The following NPAS3 variants were observed in gnomAD, a reference collection of about 807,000 sequenced individuals.
NPAS3 encodes the protein neuronal PAS domain protein 3.
NPAS3 carries 14 observed loss-of-function variants against 73.1 expected under a neutral mutation model. The ratio of observed to expected loss-of-function variants is 0.19; its 90% CI spans 0.13 to 0.30. The LOEUF (loss-of-function observed/expected upper bound fraction) is 0.30, where lower values mean the gene tolerates loss of function less well. Ranked by LOEUF, NPAS3 falls within the 10% of genes least tolerant of loss-of-function variation. The pLI, the probability that NPAS3 is intolerant of heterozygous loss-of-function variation, is 1.00. For missense variants in NPAS3, 1,096 were observed against 1,250.0 expected (o/e 0.88, Z 1.86); for synonymous variants, 620 against 541.5 (o/e 1.14, Z -2.01).
intron 2 of NPAS3, among the ~76,000 whole-genome samples, chr14:33,087,222 T>C (rs35559598): frequency 2.6e-5 from 3 of 114,602 alleles, no homozygotes; most frequent in Non-Finnish European, 5.6e-5. Context: ...ATTATTATTG[T>C]ATAATATATA....
chr14:33,308,527 T>TATATATATATATACACACACAC, intron 3 of NPAS3, among the ~76,000 whole-genome samples: 40 of 103,706 alleles, frequency 3.9e-4, no homozygotes, highest in South Asian at 1.3e-3. Context: ...TATATATATA[T>TATATATATATATACACACACAC]ACATACACAC....
At chr14:33,729,302 C>A (rs948564471) in intron 6 of NPAS3, among the ~76,000 whole-genome samples, 1 of 152,098 alleles carries the variant, frequency 6.6e-6, no homozygotes, top group Non-Finnish European at 1.5e-5. Flanking sequence ...TAGTTTTATC[C>A]ATGAACATGA....
At chr14:33,078,686 T>C (rs1047993779) in intron 2 of NPAS3, among the ~76,000 whole-genome samples, 3 of 152,178 alleles carry the variant, frequency 2.0e-5, no homozygotes, top group African/African-American at 7.2e-5. Context: ...AGTAACACAA[T>C]TGATGTAATA....
At chr14:33,291,463 G>A (rs557356170) in intron 3 of NPAS3, among the ~76,000 whole-genome samples, 18 of 152,276 alleles carry the variant, frequency 1.2e-4, no homozygotes, top group African/African-American at 2.9e-4. Flanking sequence ...GAAAGTAAAT[G>A]TTGATTTTAT....
chr14:33,342,053 C>T (rs1053270007), intron 3 of NPAS3, among the ~76,000 whole-genome samples: 2 of 152,150 alleles, frequency 1.3e-5, no homozygotes, highest in African/African-American at 4.8e-5. Flanking sequence ...AATCCCCAAC[C>T]TTTTTCTCAC....
At chr14:33,317,081 T>C (rs75014515) in intron 3 of NPAS3, among the ~76,000 whole-genome samples, 5,436 of 152,110 alleles carry the variant, frequency 0.036, 114 homozygotes, top group Non-Finnish European at 0.054. Flanking sequence ...TGCTGAAGGA[T>C]TTAAGGAAGC....
exon 4 of NPAS3, chr14:33,367,218 G>A (rs1156754824): frequency 1.2e-6 from 1 of 868,136 alleles, no homozygotes. Context: ...AAGCCCCAGT[G>A]CACTAGCCAT....
intron 3 of NPAS3, among the ~76,000 whole-genome samples, chr14:33,342,834 T>C (rs534253472): frequency 6.6e-6 from 1 of 152,322 alleles, no homozygotes; most frequent in African/African-American, 2.4e-5. Context: ...GAGAATGATA[T>C]GATTTTTACT....
intron 7 of NPAS3, among the ~76,000 whole-genome samples, chr14:33,770,741 A>G (rs940714119): frequency 2.6e-5 from 4 of 152,214 alleles, no homozygotes; most frequent in African/African-American, 9.6e-5. Flanking sequence ...CTCTACTAAA[A>G]ATACAAAAAT....
intron 2 of NPAS3, among the ~76,000 whole-genome samples, chr14:33,173,960 G>T (rs1260668367): frequency 6.6e-6 from 1 of 152,100 alleles, no homozygotes; most frequent in Non-Finnish European, 1.5e-5. Context: ...AGAATCCACT[G>T]GTAACCAGAA....
chr14:33,346,017 G>A (rs964352502), intron 3 of NPAS3, among the ~76,000 whole-genome samples: 1 of 151,924 alleles, frequency 6.6e-6, no homozygotes, highest in South Asian at 2.1e-4. Flanking sequence ...AGGATCACAA[G>A]GTCAGGAGTT....
At chr14:33,271,655 A>G (rs192476279) in intron 3 of NPAS3, among the ~76,000 whole-genome samples, 56 of 152,176 alleles carry the variant, frequency 3.7e-4, no homozygotes, top group African/African-American at 1.2e-3. Context: ...AAAATACCTG[A>G]TTTTAAAAAA....
chr14:33,312,000 G>T (rs1156505894), intron 3 of NPAS3, among the ~76,000 whole-genome samples: 2 of 152,124 alleles, frequency 1.3e-5, no homozygotes, highest in African/African-American at 4.8e-5. Flanking sequence ...ATGTTCCAAA[G>T]ACTTCATTTT....
At chr14:33,438,722 C>T (rs1415517965) in intron 4 of NPAS3, among the ~76,000 whole-genome samples, 1 of 152,122 alleles carries the variant, frequency 6.6e-6, no homozygotes, top group African/African-American at 2.4e-5. Context: ...GTAATAAATA[C>T]ATGGTATACT....
At chr14:33,044,902 T>G (rs2040454234) in intron 1 of NPAS3, among the ~76,000 whole-genome samples, 1 of 152,130 alleles carries the variant, frequency 6.6e-6, no homozygotes, top group Non-Finnish European at 1.5e-5. Flanking sequence ...CAGCCTCAGG[T>G]GAGTGGCCCA....
At chr14:33,293,390 C>A (rs980708038) in intron 3 of NPAS3, among the ~76,000 whole-genome samples, 26 of 152,134 alleles carry the variant, frequency 1.7e-4, no homozygotes, top group Non-Finnish European at 2.6e-4. Flanking sequence ...ATTTATTGAG[C>A]ATCTTTTTAG....
intron 2 of NPAS3, among the ~76,000 whole-genome samples, chr14:33,153,591 A>G (rs776186355): frequency 6.6e-6 from 1 of 152,074 alleles, no homozygotes; most frequent in African/African-American, 2.4e-5. Flanking sequence ...CTCCTGTTTA[A>G]TGATCTCCAG....
At chr14:33,782,111 C>A (rs1036939266) in intron 9 of NPAS3, among the ~76,000 whole-genome samples, 3 of 152,136 alleles carry the variant, frequency 2.0e-5, no homozygotes, top group African/African-American at 7.2e-5. Flanking sequence ...ACACTGTGAC[C>A]AAAGACGTCT....
At chr14:33,353,678 G>A (rs957326970) in intron 3 of NPAS3, among the ~76,000 whole-genome samples, 35 of 152,184 alleles carry the variant, frequency 2.3e-4, no homozygotes, top group African/African-American at 7.7e-4. Flanking sequence ...CATGAACCTG[G>A]TAGGAAAGTC....
Sources: gnomAD v4.1 joint callset for allele counts (sites outside exome capture counted in the v4.1 genomes callset) on GRCh38, gnomAD v4.1.1 for gene constraint, MANE v1.5 for transcripts, NCBI Gene and HGNC (gene_info 2026-07-23, HGNC 2026-07-21) for gene names.